The following ARHGEF12 variants were observed in gnomAD, a reference collection of about 807,000 sequenced individuals.
ARHGEF12 encodes KMT2A/ARHGEF12 fusion protein.
A neutral mutation model predicts 211.2 loss-of-function variants in ARHGEF12; 66 were observed. The ratio of observed to expected loss-of-function variants is 0.31; its 90% CI spans 0.26 to 0.38. The LOEUF is 0.38. ARHGEF12 is among the 10% of genes least tolerant of loss of function. The pLI, the probability that ARHGEF12 is intolerant of heterozygous loss-of-function variation, is 1.00. For missense variants in ARHGEF12, 1,429 were observed against 1,869.5 expected (o/e 0.76, Z 4.34); for synonymous variants, 592 against 638.4 (o/e 0.93, Z 1.09).
chr11:120,480,013 G>C lies in ARHGEF12; in HGVS notation c.3820G>C (p.Val1274Leu), dbSNP rs747035508. The C allele has an allele frequency of 6.2e-7, 1 of 1,614,124 alleles. No individual in the cohort carries two copies. Residue 1274 changes from valine (V) to leucine (L), a missense_variant, in exon 38 of 41, where the codon GTT (valine) becomes CTT (leucine). This residue lies in a region of ARHGEF12 where 467 missense variants were observed against 468.4 expected (regional missense o/e 1.00). Coordinates refer to ENST00000397843, the MANE Select transcript of ARHGEF12 (RefSeq NM_015313.3). ...ACAGCTAGGTTTGACTGAGAAGAGC[G>C]TTCAGGAAGACTGGCAACATTTCCC... The part of the protein sequence containing the change: ...VQQLGLTEKS[V>L]QEDWQHFPRY...
intron 39 of ARHGEF12, 89 bp from the exon 40 acceptor site, chr11:120,484,348 TA>T: frequency 8.4e-7 from 1 of 1,193,178 alleles, no homozygotes; most frequent in Non-Finnish European, 1.2e-6. Flanking sequence ...ACCTGTAATG[TA>T]AAAAGGGCTT....
chr11:120,436,464 C>G (rs543282613), intron 11 of ARHGEF12, among the ~76,000 whole-genome samples: 1 of 152,242 alleles, frequency 6.6e-6, no homozygotes, highest in East Asian at 1.9e-4. Flanking sequence ...AAGAATGTCT[C>G]CCGTTGCTTT....
chr11:120,442,279 C>T (rs1591597076), intron 15 of ARHGEF12, 77 bp downstream of exon 15: 1 of 1,133,322 alleles, frequency 8.8e-7, no homozygotes, highest in East Asian at 2.7e-5. Flanking sequence ...ATCTTCCCTC[C>T]CATGTTTTTG....
intron 1 of ARHGEF12, among the ~76,000 whole-genome samples, chr11:120,370,412 T>A (rs1356383602): frequency 1.3e-5 from 2 of 152,214 alleles, no homozygotes; most frequent in Non-Finnish European, 2.9e-5. Context: ...GTAAATCTCC[T>A]TACCTTGTTT....
Position 120,440,157 on chromosome 11 carries a change from C to T in ARHGEF12, c.1028C>T (p.Ser343Leu). Residue 343 changes from serine to leucine, a missense_variant, in exon 13 of 41, where the codon TCA (serine) becomes TTA (leucine). By Grantham distance (145) the Ser-to-Leu change is moderately radical. This residue lies in a region of ARHGEF12 where 254 missense variants were observed against 286.4 expected (regional missense o/e 0.89). Coordinates refer to ENST00000397843, the MANE Select transcript of ARHGEF12 (RefSeq NM_015313.3). ...TDTQSLVGSP[S>L]TRIAPHIIGA... ...ACTCAATCACTTGTCGGAAGTCCCT[C>T]AACCCGTATAGCACCTCATATTATT... 5.0e-6 allele frequency: 8 copies of T among 1,613,628 alleles called. No homozygotes were observed. The highest frequency in any genetic ancestry group is 6.8e-6 in the Non-Finnish European group (8 of 1,179,732).
intron 1 of ARHGEF12, among the ~76,000 whole-genome samples, chr11:120,403,116 A>G (rs1380719747): frequency 6.6e-6 from 1 of 152,232 alleles, no homozygotes; most frequent in African/African-American, 2.4e-5. Context: ...TTTAACAAGG[A>G]AAAGGTATTC....
intron 1 of ARHGEF12, among the ~76,000 whole-genome samples, chr11:120,338,229 C>A (rs1286768029): frequency 6.6e-6 from 1 of 152,184 alleles, no homozygotes; most frequent in Non-Finnish European, 1.5e-5. Context: ...CGAATTATTA[C>A]ACCGTGAAAA....
At chr11:120,355,571 G>T (rs935782577) in intron 1 of ARHGEF12, among the ~76,000 whole-genome samples, 3 of 152,088 alleles carry the variant, frequency 2.0e-5, no homozygotes, top group Admixed American at 6.5e-5. Flanking sequence ...TCTTTTAGCG[G>T]GGCACAGTAC....
intron 11 of ARHGEF12, among the ~76,000 whole-genome samples, chr11:120,433,421 T>C (rs1318087022): frequency 6.6e-6 from 1 of 152,178 alleles, no homozygotes; most frequent in Non-Finnish European, 1.5e-5. Context: ...TGGGAATGCT[T>C]TTCGTACTCT....
At chr11:120,346,008 G>A (rs914293819) in intron 1 of ARHGEF12, among the ~76,000 whole-genome samples, 3 of 151,972 alleles carry the variant, frequency 2.0e-5, no homozygotes, top group African/African-American at 7.2e-5. Flanking sequence ...ACGCACACAC[G>A]CATACACACA....
At chr11:120,401,395 T>G (rs182257035) in intron 1 of ARHGEF12, among the ~76,000 whole-genome samples, 1 of 152,222 alleles carries the variant, frequency 6.6e-6, no homozygotes, top group Non-Finnish European at 1.5e-5. Context: ...AGAGCTCTTA[T>G]GTATTGCAGA....
intron 30 of ARHGEF12, among the ~76,000 whole-genome samples, chr11:120,470,998 T>G (rs987209868): frequency 4.6e-5 from 7 of 152,318 alleles, no homozygotes; most frequent in Admixed American, 4.6e-4. Flanking sequence ...GCTGGCATAC[T>G]CAGGCTGGTT....
rs1947411328 is a variant in ARHGEF12, at chr11:120,486,947, G to A, written c.*1870G>A. On this transcript the variant is annotated 3_prime_UTR_variant, in exon 41 of 41. Transcript: ENST00000397843. ...GGGATTAAAAATTTTAGAAGCAGAAGCTAATATATAAATGAAGTTTGGGAT... is the reference window on the plus strand; with the variant it reads ...GGGATTAAAAATTTTAGAAGCAGAAACTAATATATAAATGAAGTTTGGGAT... 4.7e-6 allele frequency: 1 copy of A among 211,368 alleles called. No individual in the cohort carries two copies. Among genetic ancestry groups the A allele is most frequent in the African/African-American group, 2.3e-5 (1 of 44,168 alleles). The allele number at this position is 211,368 out of a possible 1,614,324, so 13.1% of individuals were successfully genotyped here.
chr11:120,486,326 G>A lies in ARHGEF12; in HGVS notation c.*1249G>A, dbSNP rs1417126382. The stretch of plus-strand genomic sequence containing the variant: ...GGCAGAACTGCTCACACCAGCTCCA[G>A]AAGCACGTCCTCTGACTTCACTGCC... On this transcript the variant is annotated 3_prime_UTR_variant, in exon 41 of 41. Transcript: ENST00000397843. 1.7e-5 allele frequency: 4 copies of A among 233,272 alleles called. No homozygotes were observed. Among genetic ancestry groups the A allele is most frequent in the Non-Finnish European group, 2.5e-5 (3 of 117,888 alleles). 14.5% of individuals were successfully genotyped at this position (233,272 alleles called of 1,614,324 possible).
intron 1 of ARHGEF12, among the ~76,000 whole-genome samples, chr11:120,351,925 A>G (rs1942989552): frequency 6.6e-6 from 1 of 152,154 alleles, no homozygotes. Flanking sequence ...CTAATACCCA[A>G]GCTGACATAG....
rs1945885727 is a variant in ARHGEF12 at position 120,442,121 on chromosome 11, A to G, written c.1221A>G (p.Ser407=). The change falls in exon 15 of 41, where the codon TCA becomes TCG. Residue 407 remains serine, a synonymous_variant. Transcript: ENST00000397843. ...CACTACAGCTCTGTTATCTCTATTCAGACCTGTATAAACATACCAATTCCA... is the reference window on the plus strand; with the variant it reads ...CACTACAGCTCTGTTATCTCTATTCGGACCTGTATAAACATACCAATTCCA... ...DPATLLCYLY[S]DLYKHTNSKE... is the part of the protein sequence containing the mutation. 3 of 1,607,938 alleles carry G rather than the reference A, an allele frequency of 1.9e-6. No individual in the cohort carries two copies. The highest frequency in any genetic ancestry group is 2.5e-6 in the Non-Finnish European group (3 of 1,177,804).
Position 120,337,095 on chromosome 11 carries a change from G to T in ARHGEF12, c.-149G>T. ...CCGCATCCGTTGACCCCTTACAGTCGGATGGTCTAGATGACTGAATGGAGT... is the reference window on the plus strand; with the variant it reads ...CCGCATCCGTTGACCCCTTACAGTCTGATGGTCTAGATGACTGAATGGAGT... On this transcript the variant is annotated 5_prime_UTR_variant, in exon 1 of 41. Coordinates refer to ENST00000397843, the MANE Select transcript of ARHGEF12 (RefSeq NM_015313.3). 1 of 885,284 alleles carries T rather than the reference G, an allele frequency of 1.1e-6. No homozygotes were observed. Among genetic ancestry groups the T allele is most frequent in the Non-Finnish European group, 1.8e-6 (1 of 549,656 alleles). 54.8% of individuals were successfully genotyped at this position (885,284 alleles called of 1,614,324 possible).
At chr11:120,477,858 A>T (rs1947096976) in intron 36 of ARHGEF12, among the ~76,000 whole-genome samples, 1 of 148,144 alleles carries the variant, frequency 6.8e-6, no homozygotes, top group African/African-American at 2.5e-5. Flanking sequence ...CAAGACCGAA[A>T]CACCAAAAAA....
intron 1 of ARHGEF12, among the ~76,000 whole-genome samples, chr11:120,387,855 G>C (rs1041577588): frequency 6.6e-6 from 1 of 152,022 alleles, no homozygotes; most frequent in African/African-American, 2.4e-5. Context: ...AAGATATTTC[G>C]TAAGGTATAA....
Sources: allele counts gnomAD v4.1 joint callset (sites outside exome capture counted in the v4.1 genomes callset), GRCh38; gene constraint gnomAD v4.1.1; regional missense constraint gnomAD v4.1.1; transcripts MANE v1.5; gene names NCBI Gene and HGNC (gene_info 2026-07-23, HGNC 2026-07-21).